The following DNAH9 variants were observed in gnomAD, a reference collection of about 807,000 sequenced individuals.
DNAH9 encodes DNAH9 variant protein.
DNAH9 carries 345 observed loss-of-function variants against 471.6 expected under a neutral mutation model. The observed-to-expected ratio is 0.73, with a 90% CI of 0.67 to 0.80. The LOEUF is 0.80. Ranked by LOEUF, DNAH9 falls within the 30% of genes least tolerant of loss-of-function variation. The pLI is 0.00. For missense variants in DNAH9, 5,407 were observed against 5,609.2 expected, an observed-to-expected ratio of 0.96 and a Z score of 1.15; for synonymous variants, 2,093 against 2,123.6, an observed-to-expected ratio of 0.99 and a Z score of 0.40.
At chr17:11,808,747 G>A (rs1969781570) in intron 44 of DNAH9, among the ~76,000 whole-genome samples, 1 of 152,170 alleles carries the variant, frequency 6.6e-6, no homozygotes. Context: ...CTCTATATGG[G>A]AATCGCTGGG....
At chr17:11,784,580 T>C (rs369137569) in intron 41 of DNAH9, 41 bp downstream of exon 41, 1 of 1,613,020 alleles carries the variant, frequency 6.2e-7, no homozygotes, top group Non-Finnish European at 8.5e-7. Flanking sequence ...GGCTTAGTGA[T>C]TATCCAGATG....
At chr17:11,947,685 T>C (rs1196263230) in intron 67 of DNAH9, among the ~76,000 whole-genome samples, 1 of 152,046 alleles carries the variant, frequency 6.6e-6, no homozygotes, top group Non-Finnish European at 1.5e-5. Flanking sequence ...GTGGCTCTCA[T>C]ATGTGGTTTG....
intron 39 of DNAH9, 94 bp from the exon 40 acceptor site, chr17:11,783,552 A>T (rs1968745660): frequency 2.3e-6 from 2 of 860,854 alleles, no homozygotes; most frequent in South Asian, 3.4e-5. Flanking sequence ...ACCCAAACAC[A>T]TGAACAGTAG....
At chr17:11,791,396 A>C (rs572697816) in intron 41 of DNAH9, among the ~76,000 whole-genome samples, 86 of 152,314 alleles carry the variant, frequency 5.6e-4, no homozygotes, top group Middle Eastern at 6.8e-3. Flanking sequence ...ACCCGGAAGA[A>C]GCAAACCTGT....
intron 14 of DNAH9, among the ~76,000 whole-genome samples, chr17:11,657,125 T>C (rs1363142979): frequency 6.6e-6 from 1 of 152,160 alleles, no homozygotes; most frequent in Admixed American, 6.5e-5. Context: ...ATGTTTAATG[T>C]GTGTAAGTAA....
At chr17:11,893,746 C>T (rs1188767112) in intron 58 of DNAH9, among the ~76,000 whole-genome samples, 1 of 152,076 alleles carries the variant, frequency 6.6e-6, no homozygotes, top group Non-Finnish European at 1.5e-5. Context: ...AGCATTAGGA[C>T]AAATACCTAA....
chr17:11,942,505 G>T lies in DNAH9; in HGVS notation c.12843+20G>T, dbSNP rs762481021. On this transcript the variant is annotated intron_variant, in intron 67 of 68. Transcript: ENST00000262442. ...TTAAAGGTGAGCGCGGTCTTGTAAG[G>T]CATGGAGGGGACATTGCTAGAGGAC... 8 of 1,605,862 alleles carry T rather than the reference G, an allele frequency of 5.0e-6. No homozygotes were observed. Among genetic ancestry groups the T allele is most frequent in the Middle Eastern group, 3.8e-4 (2 of 5,234 alleles).
intron 49 of DNAH9, among the ~76,000 whole-genome samples, chr17:11,852,754 A>G (rs1292771297): frequency 3.4e-5 from 5 of 149,234 alleles, no homozygotes; most frequent in African/African-American, 1.2e-4. Flanking sequence ...AGAAGTGCAT[A>G]GAAGTGCATG....
intron 13 of DNAH9, among the ~76,000 whole-genome samples, chr17:11,652,386 C>G (rs776968749): frequency 6.8e-6 from 1 of 146,356 alleles, no homozygotes; most frequent in Admixed American, 7.1e-5. Flanking sequence ...CCCGGGTTCA[C>G]GCCATTCTCC....
chr17:11,604,148 G>A (rs917522254), intron 1 of DNAH9, among the ~76,000 whole-genome samples: 5 of 151,564 alleles, frequency 3.3e-5, no homozygotes, highest in Non-Finnish European at 5.9e-5. Flanking sequence ...TCAGCCTCCC[G>A]AGTAGCTAAG....
At chr17:11,787,854 T>A (rs754728509) in intron 41 of DNAH9, among the ~76,000 whole-genome samples, 1 of 152,158 alleles carries the variant, frequency 6.6e-6, no homozygotes, top group Non-Finnish European at 1.5e-5. Flanking sequence ...CATTTTCTCT[T>A]GCCACCACCA....
chr17:11,838,708 G>A (rs8081601), intron 49 of DNAH9, among the ~76,000 whole-genome samples: 150,978 of 152,230 alleles, frequency 0.99, 74,877 homozygotes, highest in Middle Eastern at 1. Context: ...AAGAAGTTTA[G>A]CTGTAGACCG....
chr17:11,796,540 T>G (rs1299191270), intron 42 of DNAH9, among the ~76,000 whole-genome samples: 1 of 152,210 alleles, frequency 6.6e-6, no homozygotes, highest in Non-Finnish European at 1.5e-5. Context: ...GTTTGGTGAA[T>G]CTCATCCCAT....
chr17:11,812,662 C>A (rs2322054), intron 45 of DNAH9, among the ~76,000 whole-genome samples: 2 of 151,282 alleles, frequency 1.3e-5, no homozygotes, highest in South Asian at 2.1e-4. Flanking sequence ...GGCTGCTAGC[C>A]TTGCACTCAT....
rs1448884852 is a variant in DNAH9, at chr17:11,891,792, T to C, written c.11128T>C (p.Phe3710Leu). The C allele has an allele frequency of 1.2e-6, 2 of 1,613,990 alleles. No homozygotes were observed. The highest frequency in any genetic ancestry group is 3.3e-5 in the Admixed American group (2 of 59,996). Reference protein sequence around the residue: ...QFSLKAFSIVFQKAVERAAPD... With the variant: ...QFSLKAFSIVLQKAVERAAPD... Reference sequence around the variant, plus strand: ...CTGTCCCCAGGCCTTCAGTATCGTCTTCCAGAAGGCTGTGGAGAGGGCTGC... The same window carrying C: ...CTGTCCCCAGGCCTTCAGTATCGTCCTCCAGAAGGCTGTGGAGAGGGCTGC... The change falls in exon 58 of 69, where the codon TTC becomes CTC. Residue 3710 changes from phenylalanine to leucine, a missense_variant. Coordinates refer to ENST00000262442, the MANE Select transcript of DNAH9 (RefSeq NM_001372.4).
intron 49 of DNAH9, among the ~76,000 whole-genome samples, chr17:11,842,844 A>T (rs1202805203): frequency 6.6e-6 from 1 of 152,128 alleles, no homozygotes; most frequent in Non-Finnish European, 1.5e-5. Context: ...CTCAAGTGTT[A>T]ATCTCCTTTG....
chr17:11,703,461 T>C (rs1051374468), intron 24 of DNAH9, among the ~76,000 whole-genome samples: 1 of 152,184 alleles, frequency 6.6e-6, no homozygotes, highest in Admixed American at 6.5e-5. Flanking sequence ...TTGCAGTAAA[T>C]GTCATCTAGA....
intron 38 of DNAH9, among the ~76,000 whole-genome samples, chr17:11,776,428 A>C (rs1968436911): frequency 6.6e-6 from 1 of 152,126 alleles, no homozygotes; most frequent in Admixed American, 6.5e-5. Flanking sequence ...GAACTTTATA[A>C]ACTTATGCCT....
chr17:11,931,558 AC>A (rs774274947), intron 63 of DNAH9, among the ~76,000 whole-genome samples: 42 of 151,996 alleles, frequency 2.8e-4, no homozygotes, highest in Non-Finnish European at 5.3e-4. Flanking sequence ...CACATTCAGT[AC>A]CCCCTGTACT....
Sources: gnomAD v4.1 joint callset for allele counts (sites outside exome capture counted in the v4.1 genomes callset) on GRCh38, gnomAD v4.1.1 for gene constraint, MANE v1.5 for transcripts, NCBI Gene and HGNC (gene_info 2026-07-23, HGNC 2026-07-21) for gene names.